The following CD84 variants were observed in gnomAD, a reference collection of about 807,000 sequenced individuals.
CD84 encodes CD84 molecule.
In CD84, 22 loss-of-function variants were observed where a neutral mutation model predicts 33.8. The ratio of observed to expected loss-of-function variants is 0.65; its 90% CI spans 0.46 to 0.93. The LOEUF (loss-of-function observed/expected upper bound fraction) is 0.93, where lower values mean the gene tolerates loss of function less well. CD84 is among the 40% of genes least tolerant of loss of function. CD84 has a pLI of 0.00. For synonymous variants in CD84, 154 were observed against 145.2 expected (o/e 1.06, Z -0.44); for missense variants, 400 against 397.6 (o/e 1.01, Z -0.05).
At position 160,565,497 on chromosome 1, in the gene CD84, G is replaced by A; in HGVS notation, c.295C>T (p.Leu99=). ...TAGTCTCCTGCGTCTTCCATCCTCA[G>A]ATCGCTAATGACCAGATTGTAGTTC... The part of the protein sequence containing the change: ...GPNYNLVISD[L]RMEDAGDYKA... The change falls in exon 2 of 7, where the codon CTG becomes TTG. Residue 99 remains leucine, a synonymous_variant. Coordinates refer to ENST00000368054, the MANE Select transcript of CD84 (RefSeq NM_003874.4). 5 of 1,613,910 alleles carry A rather than the reference G, an allele frequency of 3.1e-6. No individual in the cohort carries two copies. Among genetic ancestry groups the A allele is most frequent in the Non-Finnish European group, 4.2e-6 (5 of 1,179,892 alleles).
At chr1:160,570,270 A>G (rs573839222) in intron 1 of CD84, among the ~76,000 whole-genome samples, 1 of 152,346 alleles carries the variant, frequency 6.6e-6, no homozygotes, top group Admixed American at 6.5e-5. Context: ...TGTTAGAAAT[A>G]TTAAACTTCA....
intron 2 of CD84, 96 bp downstream of exon 2, chr1:160,565,308 T>A (rs750503857): frequency 1.2e-4 from 105 of 863,326 alleles, no homozygotes; most frequent in Non-Finnish European, 2.2e-5. Context: ...ATAAAAAGAT[T>A]TAGGGGACCC....
In CD84 at chr1:160,565,626, A is replaced by G; in HGVS notation, c.166T>C (p.Ser56Pro). 1.9e-6 allele frequency: 3 copies of G among 1,614,030 alleles called. No homozygotes were observed. Among genetic ancestry groups the G allele is most frequent in the Non-Finnish European group, 2.5e-6 (3 of 1,179,924 alleles). Residue 56 changes from serine to proline, a missense_variant, in exon 2 of 7, where the codon TCT becomes CCT. By Grantham distance (74) the Ser-to-Pro change is moderately conservative. Coordinates refer to ENST00000368054, the MANE Select transcript of CD84 (RefSeq NM_003874.4). ...PRQVKIIAWT[S>P]KTSVAYVTPG... Reference sequence around the variant, plus strand: ...GTTACATAAGCAACAGATGTTTTAGAAGTCCAAGCAATGATTTTAACTTGC... The same window carrying G: ...GTTACATAAGCAACAGATGTTTTAGGAGTCCAAGCAATGATTTTAACTTGC...
At chr1:160,565,161 T>C (rs1657240240) in intron 2 of CD84, among the ~76,000 whole-genome samples, 1 of 151,254 alleles carries the variant, frequency 6.6e-6, no homozygotes, top group African/African-American at 2.4e-5. Context: ...TGACATTATG[T>C]AAAAAAGAAA....
At chr1:160,555,053 T>C (rs2102145669) in intron 2 of CD84, among the ~76,000 whole-genome samples, 1 of 151,980 alleles carries the variant, frequency 6.6e-6, no homozygotes, top group Admixed American at 6.5e-5. Flanking sequence ...AATTAAATAT[T>C]TATCAGCACA....
rs972104204 is a variant in CD84, at chr1:160,547,304, G to A, written c.*952C>T. ...TATTTTGATGGTTGGATTATACCCA[G>A]TTCCCCAGAAGTGTGAGAAATATAA... On this transcript the variant is annotated 3_prime_UTR_variant, in exon 7 of 7. Coordinates refer to ENST00000368054, the MANE Select transcript of CD84 (RefSeq NM_003874.4). 1 of 397,398 alleles carries A rather than the reference G, an allele frequency of 2.5e-6. No homozygotes were observed. Among genetic ancestry groups the A allele is most frequent in the African/African-American group, 2.1e-5 (1 of 48,604 alleles). 24.6% of individuals were successfully genotyped at this position (397,398 alleles called of 1,614,324 possible).
In CD84 at chr1:160,550,984, G is replaced by A. The variant is rs35467325; in HGVS notation, c.812C>T (p.Thr271Ile). Residue 271 changes from threonine (T) to isoleucine (I), a missense_variant, in exon 5 of 7, where the codon ACC becomes ATC. Coordinates refer to ENST00000368054, the MANE Select transcript of CD84 (RefSeq NM_003874.4). ...IYTYIMASRNTQPAESRIYDE... is the reference protein window; with the variant it reads ...IYTYIMASRNIQPAESRIYDE... ...ATAGATTCTGGACTCTGCTGGCTGGGTGTTCCTTGAAGCCATGATATATGT... is the reference window on the plus strand; with the variant it reads ...ATAGATTCTGGACTCTGCTGGCTGGATGTTCCTTGAAGCCATGATATATGT... 2.5e-4 allele frequency: 400 copies of A among 1,614,128 alleles called. 1 individual carries two copies. The African/African-American group carries it at 4.8e-3, about 19-fold the overall frequency.
Position 160,544,751 on chromosome 1 carries a change from A to G in CD84, c.*3505T>C, listed in dbSNP as rs1265799817. On this transcript the variant is annotated 3_prime_UTR_variant, in exon 7 of 7. Transcript: ENST00000368054. ...TTAAATCATATTTTAAACAAGCTTC[A>G]CTTTCTTCTTCTAAGAATCATGAGC... 6.6e-6 allele frequency: 1 copy of G among 152,214 alleles called. No homozygotes were observed. 9.4% of individuals were successfully genotyped at this position (152,214 alleles called of 1,614,324 possible).
chr1:160,551,075 GT>G, intron 4 of CD84, 40 bp from the exon 5 acceptor site: 1 of 1,500,542 alleles, frequency 6.7e-7, no homozygotes, highest in Non-Finnish European at 9.3e-7. Context: ...TCTGTGAAAG[GT>G]GGTTTTTTTA....
intron 1 of CD84, among the ~76,000 whole-genome samples, chr1:160,572,147 A>G (rs1404331598): frequency 6.6e-6 from 1 of 152,220 alleles, no homozygotes; most frequent in Non-Finnish European, 1.5e-5. Context: ...ACATTTGCTG[A>G]GGCCCTGATC....
At chr1:160,568,644 T>C (rs866487356) in intron 1 of CD84, among the ~76,000 whole-genome samples, 2 of 152,122 alleles carry the variant, frequency 1.3e-5, no homozygotes, top group African/African-American at 4.8e-5. Context: ...AGACAAAGTC[T>C]CACTCTCTCA....
At chr1:160,548,606 T>C (rs1285474001) in intron 6 of CD84, among the ~76,000 whole-genome samples, 1 of 152,086 alleles carries the variant, frequency 6.6e-6, no homozygotes, top group Non-Finnish European at 1.5e-5. Context: ...ATTTTGATTA[T>C]AGACTTGAGG....
At chr1:160,568,708 C>T (rs867515427) in intron 1 of CD84, among the ~76,000 whole-genome samples, 3 of 152,068 alleles carry the variant, frequency 2.0e-5, no homozygotes, top group African/African-American at 7.3e-5. Flanking sequence ...GCAACCTCCA[C>T]CTCCCGGGTT....
intron 1 of CD84, chr1:160,571,021 G>A (rs1657660929): frequency 6.6e-6 from 1 of 152,216 alleles, no homozygotes; most frequent in African/African-American, 2.4e-5. Context: ...GGTGGAGCAG[G>A]AAGATAGAAG....
intron 2 of CD84, among the ~76,000 whole-genome samples, chr1:160,558,333 T>C (rs775566205): frequency 2.6e-5 from 4 of 152,086 alleles, no homozygotes; most frequent in Non-Finnish European, 5.9e-5. Flanking sequence ...CCTCCAGGTA[T>C]AGGAAAAACT....
intron 2 of CD84, among the ~76,000 whole-genome samples, chr1:160,556,631 A>C (rs1007526611): frequency 6.6e-5 from 10 of 152,218 alleles, no homozygotes; most frequent in African/African-American, 2.4e-4. Flanking sequence ...AAATATGTAT[A>C]GTCTATATAT....
At chr1:160,575,514 C>T (rs1657948030) in intron 1 of CD84, among the ~76,000 whole-genome samples, 1 of 151,720 alleles carries the variant, frequency 6.6e-6, no homozygotes, top group African/African-American at 2.4e-5. Context: ...CACACACACA[C>T]ACACACACAC....
intron 2 of CD84, among the ~76,000 whole-genome samples, 199 bp downstream of exon 2, chr1:160,565,204 GA>G (rs60204070): frequency 0.4 from 60,732 of 151,920 alleles, 13,607 homozygotes; most frequent in African/African-American, 0.6. Flanking sequence ...ACTGATGGAA[GA>G]ATTACATAGC....
chr1:160,562,908 C>G (rs746099721), intron 2 of CD84, among the ~76,000 whole-genome samples: 1 of 151,926 alleles, frequency 6.6e-6, no homozygotes, highest in African/African-American at 2.4e-5. Flanking sequence ...CCACACACAG[C>G]CCCATTAAAA....
Sources: gnomAD v4.1 joint callset for allele counts (sites outside exome capture counted in the v4.1 genomes callset) on GRCh38, gnomAD v4.1.1 for gene constraint, MANE v1.5 for transcripts, NCBI Gene and HGNC (gene_info 2026-07-23, HGNC 2026-07-21) for gene names.